COL1A1: variants seen among roughly 807,000 people sequenced by gnomAD.
The protein encoded by COL1A1 is collagen type I alpha 1 chain, also known as collagen alpha-1(I) chain.
A neutral mutation model predicts 195.7 loss-of-function variants in COL1A1; 21 were observed. That is an observed-to-expected ratio of 0.11 (90% confidence interval 0.08 to 0.15). The LOEUF (loss-of-function observed/expected upper bound fraction) is 0.15. Ranked by LOEUF, COL1A1 falls within the 10% of genes least tolerant of loss-of-function variation. COL1A1 has a pLI of 1.00. For synonymous variants in COL1A1, 749 were observed against 747.3 expected (o/e 1.00, Z -0.04); for missense variants, 1,365 against 2,051.0 (o/e 0.67, Z 6.46).
chr17:50,195,902 G>T lies in COL1A1; in HGVS notation c.1056+21C>A. The stretch of plus-strand genomic sequence containing the variant: ...CCTTGGCCCATGAGGGTCATGCTTA[G>T]AGGAGAGTGGGGGGTCTCACCTTAG... On this transcript the variant is annotated intron_variant, in intron 16 of 50. Coordinates refer to ENST00000225964, the MANE Select transcript of COL1A1 (RefSeq NM_000088.4). The surrounding 1 kb of genome is among the most constrained non-coding windows in gnomAD (Gnocchi z 4.3). 1 of 1,569,104 alleles carries T rather than the reference G, an allele frequency of 6.4e-7. No individual in the cohort carries two copies.
Position 50,194,275 on chromosome 17 carries a change from A to G in COL1A1, c.1614+74T>C. ...GAGGGCAGACCCTTGGGCCTGATCC[A>G]GAACGCCTCATCCCAGACCCTACAC... is the stretch of plus-strand genomic sequence containing the variant. On this transcript the variant is annotated intron_variant, in intron 23 of 50. Coordinates refer to ENST00000225964, the MANE Select transcript of COL1A1 (RefSeq NM_000088.4). This position sits in a 1 kb window ranked among gnomAD's most constrained non-coding sequence, Gnocchi z 6.8. 1 of 1,600,172 alleles carries G rather than the reference A, an allele frequency of 6.2e-7. No individual in the cohort carries two copies. Among genetic ancestry groups the G allele is most frequent in the Non-Finnish European group, 8.6e-7 (1 of 1,168,266 alleles).
chr17:50,191,299 A>G, intron 32 of COL1A1, 84 bp downstream of exon 32: 1 of 1,249,270 alleles, frequency 8.0e-7, no homozygotes, highest in East Asian at 2.3e-5. Flanking sequence ...CAGATCCCAG[A>G]GAGAAGGAGA....
chr17:50,191,412 C>G lies in COL1A1; in HGVS notation c.2206G>C (p.Ala736Pro). The stretch of plus-strand genomic sequence containing the variant: ...TCACCCTTAGGCCCTGGAAGACCAG[C>G]TGCACCACGTTCACCAGGCATTCCC... Reference protein sequence around the residue: ...LQGMPGERGAAGLPGPKGDRG... With the variant: ...LQGMPGERGAPGLPGPKGDRG... The change falls in exon 32 of 51, where the codon GCT becomes CCT. Residue 736 changes from alanine (A) to proline (P), a missense_variant. Ala to Pro is a conservative substitution (Grantham distance 27, BLOSUM62 -1). Coordinates refer to ENST00000225964, the MANE Select transcript of COL1A1 (RefSeq NM_000088.4). 6.2e-7 allele frequency: 1 copy of G among 1,614,096 alleles called. No individual in the cohort carries two copies. The highest frequency in any genetic ancestry group is 8.5e-7 in the Non-Finnish European group (1 of 1,179,958).
At position 50,185,625 on chromosome 17, in the gene COL1A1, C is replaced by T. The variant is rs1393513237; in HGVS notation, c.4272G>A (p.Lys1424=). Residue 1424 remains lysine (K), a synonymous_variant, in exon 51 of 51, where the codon AAG becomes AAA. Transcript: ENST00000225964. ...GCTSHTGAWG[K]TVIEYKTTKT... ...TGGTGGTTTTGTATTCAATCACTGTCTTGCCCCAGGCTCCGGTGTGACTCT... is the reference window on the plus strand; with the variant it reads ...TGGTGGTTTTGTATTCAATCACTGTTTTGCCCCAGGCTCCGGTGTGACTCT... The T allele has an allele frequency of 6.2e-7, 1 of 1,613,922 alleles. No homozygotes were observed. The highest frequency in any genetic ancestry group is 1.3e-5 in the African/African-American group (1 of 74,972).
In COL1A1 at chr17:50,185,566, G is replaced by A. The variant is rs1906424022; in HGVS notation, c.4331C>T (p.Pro1444Leu). 2.5e-6 allele frequency: 4 copies of A among 1,613,782 alleles called. No individual in the cohort carries two copies. The highest frequency in any genetic ancestry group is 3.4e-6 in the Non-Finnish European group (4 of 1,179,974). ...CTGGTCTGGGGCACCAACGTCCAAG[G>A]GGGCCACATCGATGATGGGCAGGCG... Reference protein sequence around the residue: ...TSRLPIIDVAPLDVGAPDQEF... With the variant: ...TSRLPIIDVALLDVGAPDQEF... The change falls in exon 51 of 51, where the codon CCC (proline) becomes CTC (leucine). Residue 1444 changes from proline to leucine, a missense_variant. Physicochemically the swap from Pro to Leu is moderately conservative, Grantham distance 98. Transcript: ENST00000225964.
chr17:50,201,334 T>G, intron 1 of COL1A1, 77 bp downstream of exon 1: 1 of 1,350,692 alleles, frequency 7.4e-7, no homozygotes, highest in Non-Finnish European at 1.0e-6. Context: ...CACGTCTCGT[T>G]TTAAGCCGCG....
rs1270347223 is a variant in COL1A1, at chr17:50,196,306, G to A, written c.957+8C>T. The stretch of plus-strand genomic sequence containing the variant: ...TCAGGGATCCCCCAAGGGGCCAGGA[G>A]TACTTACAGCAGGGCCAGGGGCTCC... On this transcript the variant is annotated splice_region_variant and intron_variant, in intron 14 of 50. Transcript: ENST00000225964. 1.9e-6 allele frequency: 3 copies of A among 1,608,022 alleles called. No individual in the cohort carries two copies. The highest frequency in any genetic ancestry group is 2.2e-5 in the East Asian group (1 of 44,648).
chr17:50,200,577 A>G (rs1056255559), intron 1 of COL1A1, among the ~76,000 whole-genome samples: 2 of 152,226 alleles, frequency 1.3e-5, no homozygotes, highest in Non-Finnish European at 2.9e-5. Context: ...CAATGCCTCC[A>G]GGTCACTTTT....
In COL1A1 at chr17:50,194,820, A is replaced by G. The variant is rs756015587; in HGVS notation, c.1362T>C (p.Val454=). Residue 454 remains valine, a synonymous_variant, in exon 21 of 51, where the codon GTT becomes GTC. Coordinates refer to ENST00000225964, the MANE Select transcript of COL1A1 (RefSeq NM_000088.4). The surrounding 1 kb of genome is among the most constrained non-coding windows in gnomAD (Gnocchi z 6.8). ...DTGAKGEPGP[V]GVQGPPGPAG... Reference sequence around the variant, plus strand: ...CAGGGCCAGGGGGTCCTTGAACACCAACAGGGCCCTGGAGAGGGCCGAGAG... The same window carrying G: ...CAGGGCCAGGGGGTCCTTGAACACCGACAGGGCCCTGGAGAGGGCCGAGAG... The G allele has an allele frequency of 1.9e-6, 3 of 1,569,202 alleles. No individual in the cohort carries two copies. In the African/African-American group the frequency reaches 4.1e-5, roughly 21 times the overall value.
chr17:50,197,500 G>A (rs557395278), intron 9 of COL1A1, among the ~76,000 whole-genome samples: 4 of 152,358 alleles, frequency 2.6e-5, no homozygotes, highest in African/African-American at 9.6e-5. Flanking sequence ...CAAAGGGATG[G>A]GGTTGGGGAT....
chr17:50,187,599 T>C, intron 45 of COL1A1, 62 bp from the exon 46 acceptor site: 1 of 1,579,472 alleles, frequency 6.3e-7, no homozygotes, highest in South Asian at 1.1e-5. Flanking sequence ...CCTGAGGGCC[T>C]GGCTGGAGAG....
chr17:50,185,656 G>A lies in COL1A1; in HGVS notation c.4249-8C>T, dbSNP rs1319095676. ...CCAGGCTCCGGTGTGACTCTGGGGT[G>A]GGGCGGAGACAACGGGAGGGGGCAT... On this transcript the variant is annotated splice_region_variant and splice_polypyrimidine_tract_variant and intron_variant, in intron 50 of 50. Transcript: ENST00000225964. The A allele has an allele frequency of 5.0e-6, 8 of 1,612,974 alleles. No homozygotes were observed. In the South Asian group the frequency reaches 7.7e-5, roughly 16 times the overall value.
chr17:50,193,480 T>C, intron 25 of COL1A1: 1 of 148,478 alleles, frequency 6.7e-6, no homozygotes, highest in Admixed American at 1.3e-4. Flanking sequence ...TTTCTTTCTT[T>C]CTTCTTTTTT....
Position 50,194,914 on chromosome 17 carries a change from TGTCAG to T in COL1A1, c.1354-91_1354-87del. 6.8e-7 allele frequency: 1 copy of T among 1,479,898 alleles called. No individual in the cohort carries two copies. The highest frequency in any genetic ancestry group is 9.4e-7 in the Non-Finnish European group (1 of 1,066,354). The allele number at this position is 1,479,898 out of a possible 1,614,324, so 91.7% of individuals were successfully genotyped here. On this transcript the variant is annotated intron_variant, in intron 20 of 50. Coordinates refer to ENST00000225964, the MANE Select transcript of COL1A1 (RefSeq NM_000088.4). This position sits in a 1 kb window ranked among gnomAD's most constrained non-coding sequence, Gnocchi z 6.8. Reference sequence around the variant, plus strand: ...GAGCCGGCTGAGGCTGGGCCTCCAGTGTCAGGGGTTCCTGGGGGTGTGGCAGGGAC... The same window carrying T: ...GAGCCGGCTGAGGCTGGGCCTCCAGTGGGTTCCTGGGGGTGTGGCAGGGAC...
In COL1A1 at chr17:50,195,164, G is replaced by T. The variant is rs907529445; in HGVS notation, c.1300-64C>A. On this transcript the variant is annotated intron_variant, in intron 19 of 50. Coordinates refer to ENST00000225964, the MANE Select transcript of COL1A1 (RefSeq NM_000088.4). The surrounding 1 kb of genome is among the most constrained non-coding windows in gnomAD (Gnocchi z 4.3). ...GCGCTCAGTTGGCCTGCGTCTTCCT[G>T]CTCCCCAGATGAGAGCCGCACTGGA... 1.2e-6 allele frequency: 2 copies of T among 1,605,740 alleles called. No homozygotes were observed. The highest frequency in any genetic ancestry group is 3.3e-5 in the Admixed American group (2 of 59,916).
chr17:50,186,327 T>A lies in COL1A1; in HGVS notation c.3995A>T (p.Asp1332Val). Residue 1332 changes from aspartate to valine, a missense_variant, in exon 49 of 51, where the codon GAT becomes GTT. Physicochemically the swap from Asp to Val is radical, Grantham distance 152. This residue lies in a region of COL1A1 where 273 missense variants were observed against 338.6 expected (regional missense o/e 0.81). Transcript: ENST00000225964. This position sits in a 1 kb window ranked among gnomAD's most constrained non-coding sequence, Gnocchi z 5.3. ...RHVWFGESMTDGFQFEYGGQG... is the reference protein window; with the variant it reads ...RHVWFGESMTVGFQFEYGGQG... ...GTCCAGCTCACGCACCTGGAATCCATCGGTCATGCTCTCGCCGAACCAGAC... is the reference window on the plus strand; with the variant it reads ...GTCCAGCTCACGCACCTGGAATCCAACGGTCATGCTCTCGCCGAACCAGAC... 1 of 1,614,194 alleles carries A rather than the reference T, an allele frequency of 6.2e-7. No homozygotes were observed.
Position 50,190,232 on chromosome 17 carries a change from C to T in COL1A1, c.2451+95G>A. On this transcript the variant is annotated intron_variant, in intron 35 of 50. Transcript: ENST00000225964. The surrounding 1 kb of genome is among the most constrained non-coding windows in gnomAD (Gnocchi z 4.7). ...GAAACAATCCCGTCTCCACCCTTCTCCCCTGAGGATGGCTGACGCCTTTGT... is the reference window on the plus strand; with the variant it reads ...GAAACAATCCCGTCTCCACCCTTCTTCCCTGAGGATGGCTGACGCCTTTGT... 3 of 1,258,412 alleles carry T rather than the reference C, an allele frequency of 2.4e-6. No individual in the cohort carries two copies. In the Admixed American group the frequency reaches 5.1e-5, roughly 21 times the overall value. 78.0% of individuals were successfully genotyped at this position (1,258,412 alleles called of 1,614,324 possible).
intron 8 of COL1A1, 64 bp downstream of exon 8, chr17:50,197,885 G>A (rs1416663846): frequency 5.0e-6 from 8 of 1,592,064 alleles, no homozygotes; most frequent in Non-Finnish European, 6.0e-6. Flanking sequence ...AGGCCTGGGA[G>A]TTCTTCTATA....
chr17:50,195,559 A>T lies in COL1A1; in HGVS notation c.1155+8T>A. On this transcript the variant is annotated splice_region_variant and intron_variant, in intron 17 of 50. Coordinates refer to ENST00000225964, the MANE Select transcript of COL1A1 (RefSeq NM_000088.4). This position sits in a 1 kb window ranked among gnomAD's most constrained non-coding sequence, Gnocchi z 4.3. ...TGGCAAAGGGGACACTGAGTCGGGG[A>T]CACTTACAGCAGGGCCAGCAGCACC... 6.2e-7 allele frequency: 1 copy of T among 1,613,918 alleles called. No individual in the cohort carries two copies. Among genetic ancestry groups the T allele is most frequent in the Non-Finnish European group, 8.5e-7 (1 of 1,179,938 alleles).
Sources: allele counts gnomAD v4.1 joint callset (sites outside exome capture counted in the v4.1 genomes callset), GRCh38; gene constraint gnomAD v4.1.1; regional missense constraint gnomAD v4.1.1; non-coding constraint Gnocchi (gnomAD v3.1); transcripts MANE v1.5; gene names NCBI Gene and HGNC (gene_info 2026-07-23, HGNC 2026-07-21).